TTC3: variants seen among roughly 807,000 people sequenced by gnomAD.
The protein encoded by TTC3 is E3 ubiquitin-protein ligase TTC3.
TTC3 carries 180 observed loss-of-function variants against 249.6 expected under a neutral mutation model. The ratio of observed to expected loss-of-function variants is 0.72; its 90% CI spans 0.64 to 0.82. The LOEUF is 0.82. Among genes scored for constraint, TTC3 ranks in the 40% least tolerant of loss-of-function variants. The pLI, the probability that TTC3 is intolerant of heterozygous loss-of-function variation, is 0.00. For synonymous variants in TTC3, 717 were observed against 805.0 expected, an observed-to-expected ratio of 0.89 and a Z score of 1.85; for missense variants, 2,061 against 2,398.4, an observed-to-expected ratio of 0.86 and a Z score of 2.94.
Position 37,094,107 on chromosome 21 carries a change from TA to T in TTC3, c.687+20del. ...TGTATAGAGGTGAGAATGAATATTA[TA>T]AATATATTTTAAGATTTGCCCATTA... On this transcript the variant is annotated intron_variant, in intron 8 of 45. Transcript: ENST00000355666. 6.8e-7 allele frequency: 1 copy of T among 1,464,008 alleles called. No individual in the cohort carries two copies. Among genetic ancestry groups the T allele is most frequent in the Non-Finnish European group, 9.3e-7 (1 of 1,075,782 alleles). The allele number at this position is 1,464,008 out of a possible 1,614,324, so 90.7% of individuals were successfully genotyped here.
intron 10 of TTC3, among the ~76,000 whole-genome samples, chr21:37,106,629 A>G (rs1407629237): frequency 6.6e-6 from 1 of 152,208 alleles, no homozygotes; most frequent in Non-Finnish European, 1.5e-5. Context: ...TCATGCCTGT[A>G]TTCCCAGCAC....
Position 37,172,753 on chromosome 21 carries a change from G to A in TTC3, c.4617+9G>A. 6.2e-7 allele frequency: 1 copy of A among 1,612,988 alleles called. No homozygotes were observed. Among genetic ancestry groups the A allele is most frequent in the Non-Finnish European group, 8.5e-7 (1 of 1,179,506 alleles). ...ACTTAGAAGAAAACAAGGTAATCCTGTCTGAAACCTGTCTTTAATTGCATG... is the reference window on the plus strand; with the variant it reads ...ACTTAGAAGAAAACAAGGTAATCCTATCTGAAACCTGTCTTTAATTGCATG... On this transcript the variant is annotated intron_variant, in intron 35 of 45. Transcript: ENST00000355666.
At chr21:37,122,227 A>T (rs2076639463) in intron 12 of TTC3, among the ~76,000 whole-genome samples, 1 of 151,782 alleles carries the variant, frequency 6.6e-6, no homozygotes, top group Non-Finnish European at 1.5e-5. Flanking sequence ...ATTGTTATTT[A>T]TTCCTCTGTA....
Sources: gnomAD v4.1 joint callset for allele counts (sites outside exome capture counted in the v4.1 genomes callset) on GRCh38, gnomAD v4.1.1 for gene constraint, MANE v1.5 for transcripts, NCBI Gene and HGNC (gene_info 2026-07-23, HGNC 2026-07-21) for gene names.